CTNNA3: variants seen among roughly 807,000 people sequenced by gnomAD.
CTNNA3 encodes catenin alpha-3.
A neutral mutation model predicts 95.7 loss-of-function variants in CTNNA3; 76 were observed. The ratio of observed to expected loss-of-function variants is 0.79; its 90% CI spans 0.66 to 0.96. The LOEUF is 0.96. Among genes scored for constraint, CTNNA3 ranks in the 40% least tolerant of loss-of-function variants. The pLI is 0.00. For missense variants in CTNNA3, 1,191 were observed against 1,089.8 expected (o/e 1.09, Z -1.31); for synonymous variants, 431 against 374.4 (o/e 1.15, Z -1.74).
intron 7 of CTNNA3, among the ~76,000 whole-genome samples, chr10:66,832,787 G>A (rs1008058594): frequency 6.6e-6 from 1 of 152,008 alleles, no homozygotes; most frequent in Non-Finnish European, 1.5e-5. Flanking sequence ...CCCTAGCAAG[G>A]TGACACCGTG....
In CTNNA3 at chr10:66,861,459, T is replaced by C. The variant is rs78527064; in HGVS notation, c.1048-85935A>G. Among the ~76,000 whole-genome samples, 947 of 152,260 alleles carry C rather than the reference T, an allele frequency of 6.2e-3. 12 individuals are homozygous for C. The highest frequency in any genetic ancestry group is 0.021 in the African/African-American group (892 of 41,556). On this transcript the variant is annotated intron_variant, in intron 7 of 17. Transcript: ENST00000433211. The stretch of plus-strand genomic sequence containing the variant: ...GGTGTGTGTGAGTGAGCCCTGCATG[T>C]AATGGAATGGGGTCCTGTCCTGGGC...
chr10:67,592,841 G>A (rs999602373), intron 3 of CTNNA3, among the ~76,000 whole-genome samples: 2 of 151,994 alleles, frequency 1.3e-5, no homozygotes, highest in Non-Finnish European at 2.9e-5. Flanking sequence ...TTTTAGGTTC[G>A]GGGGTACATG....
At position 67,121,587 on chromosome 10, in the gene CTNNA3, T is replaced by C. The variant is rs571548340; in HGVS notation, c.1047+58730A>G. Among the ~76,000 whole-genome samples, 31 of 152,128 alleles carry C rather than the reference T, an allele frequency of 2.0e-4. No individual in the cohort carries two copies. In the South Asian group the frequency reaches 5.6e-3, roughly 27 times the overall value. ...AAAGTATCATGTTTGGAACACACTA[T>C]TGAGTAGTATAGGATAACTTTCAGT... On this transcript the variant is annotated intron_variant, in intron 7 of 17. Coordinates refer to ENST00000433211, the MANE Select transcript of CTNNA3 (RefSeq NM_013266.4).
chr10:67,452,894 C>T, intron 5 of CTNNA3, among the ~76,000 whole-genome samples: 1 of 152,246 alleles, frequency 6.6e-6, no homozygotes, highest in East Asian at 1.9e-4. Flanking sequence ...AATATAATAG[C>T]AAATTAAAAA....
chr10:66,009,273 T>C (rs1020114773), intron 15 of CTNNA3, among the ~76,000 whole-genome samples: 4 of 152,188 alleles, frequency 2.6e-5, no homozygotes, highest in Non-Finnish European at 4.4e-5. Context: ...CTGTTTGGGC[T>C]TCCCTTTTAA....
chr10:67,123,405 T>C (rs1453919196), intron 7 of CTNNA3, among the ~76,000 whole-genome samples: 2 of 152,170 alleles, frequency 1.3e-5, no homozygotes, highest in Admixed American at 6.6e-5. Flanking sequence ...GCTACAAAAA[T>C]AGCAGAGTCA....
At chr10:66,043,763 T>A (rs983742168) in intron 15 of CTNNA3, among the ~76,000 whole-genome samples, 1 of 152,108 alleles carries the variant, frequency 6.6e-6, no homozygotes, top group Non-Finnish European at 1.5e-5. Flanking sequence ...CCAGATACTA[T>A]CCCTGTTCTT....
At chr10:66,010,174 C>G (rs2078976658) in intron 15 of CTNNA3, among the ~76,000 whole-genome samples, 1 of 152,158 alleles carries the variant, frequency 6.6e-6, no homozygotes, top group African/African-American at 2.4e-5. Flanking sequence ...TAGCATGCAT[C>G]TACTTTCAAC....
chr10:66,311,510 C>T (rs1374431540), intron 12 of CTNNA3, among the ~76,000 whole-genome samples: 3 of 152,098 alleles, frequency 2.0e-5, no homozygotes, highest in Non-Finnish European at 2.9e-5. Context: ...GACAGTGATC[C>T]AAACAGCCAC....
chr10:66,617,283 T>C (rs1386875835), intron 10 of CTNNA3, among the ~76,000 whole-genome samples: 1 of 151,878 alleles, frequency 6.6e-6, no homozygotes. Context: ...AAGATGATAT[T>C]TAAGCTGAGT....
intron 3 of CTNNA3, among the ~76,000 whole-genome samples, chr10:67,564,644 A>T (rs1329273564): frequency 8.0e-6 from 1 of 124,914 alleles, no homozygotes; most frequent in Non-Finnish European, 1.6e-5. Context: ...AAGTATAACA[A>T]CTGTATATAT....
intron 7 of CTNNA3, among the ~76,000 whole-genome samples, chr10:67,083,455 C>G (rs139056430): frequency 1.3e-5 from 2 of 151,792 alleles, no homozygotes; most frequent in Non-Finnish European, 2.9e-5. Flanking sequence ...GCAGAATAAC[C>G]TGATCCCACT....
At position 66,504,012 on chromosome 10, in the gene CTNNA3, G is replaced by T. The variant is rs139366929; in HGVS notation, c.1531+16605C>A. ...ATATTATAGAATGGCTAAATCAAGC[G>T]AATTAACATATACATCACCTCACAT... On this transcript the variant is annotated intron_variant, in intron 11 of 17. Transcript: ENST00000433211. Among the ~76,000 whole-genome samples the T allele has an allele frequency of 8.8e-3, 1,331 of 152,052 alleles. 26 individuals carry two copies. Among genetic ancestry groups the T allele is most frequent in the African/African-American group, 0.03 (1,243 of 41,474 alleles).
intron 6 of CTNNA3, among the ~76,000 whole-genome samples, chr10:67,180,889 G>C: frequency 6.6e-6 from 1 of 152,126 alleles, no homozygotes. Flanking sequence ...ACACTGACTG[G>C]AGCATATTAA....
At position 66,282,264 on chromosome 10, in the gene CTNNA3, T is replaced by C. The variant is rs539785240; in HGVS notation, c.1733-1643A>G. Among the ~76,000 whole-genome samples the C allele has an allele frequency of 5.9e-5, 9 of 151,918 alleles. No homozygotes were observed. The South Asian group carries it at 1.9e-3, about 31-fold the overall frequency. On this transcript the variant is annotated intron_variant, in intron 12 of 17. Transcript: ENST00000433211. ...AAACAATCTCAAACCACAATTCTCT[T>C]ATATATGGATGTGACTCTCAAAGTA... is the stretch of plus-strand genomic sequence containing the variant.
intron 7 of CTNNA3, among the ~76,000 whole-genome samples, chr10:66,985,950 T>C (rs1005123672): frequency 1.3e-5 from 2 of 152,038 alleles, no homozygotes; most frequent in African/African-American, 4.8e-5. Context: ...ATGGTCTCGA[T>C]CTCCTGACCT....
At chr10:67,557,004 T>C (rs577586517) in intron 3 of CTNNA3, among the ~76,000 whole-genome samples, 12 of 152,346 alleles carry the variant, frequency 7.9e-5, no homozygotes, top group Non-Finnish European at 1.8e-4. Context: ...GCCTTCATTT[T>C]GTTATGTACC....
chr10:66,053,950 G>T (rs1336371968), intron 15 of CTNNA3, among the ~76,000 whole-genome samples: 1 of 151,784 alleles, frequency 6.6e-6, no homozygotes, highest in Non-Finnish European at 1.5e-5. Flanking sequence ...TGTTATCGTT[G>T]TTGCCACCTA....
At chr10:66,449,868 A>G (rs2093450742) in intron 11 of CTNNA3, among the ~76,000 whole-genome samples, 2 of 152,142 alleles carry the variant, frequency 1.3e-5, no homozygotes, top group East Asian at 3.9e-4. Context: ...GACAAATGAC[A>G]GTAAAATACT....
Sources: gnomAD v4.1 joint callset for allele counts (sites outside exome capture counted in the v4.1 genomes callset) on GRCh38, gnomAD v4.1.1 for gene constraint, MANE v1.5 for transcripts, NCBI Gene and HGNC (gene_info 2026-07-23, HGNC 2026-07-21) for gene names.